Variants in ARFGEF3 observed in about 807,000 individuals in gnomAD.
ARFGEF3 encodes ARFGEF family member 3, also known as brefeldin A-inhibited guanine nucleotide-exchange protein 3.
In ARFGEF3, 96 loss-of-function variants were observed where a neutral mutation model predicts 221.7. The observed-to-expected ratio is 0.43, with a 90% CI of 0.37 to 0.51. The LOEUF is 0.51. Among genes scored for constraint, ARFGEF3 ranks in the 20% least tolerant of loss-of-function variants. The pLI is 0.00. For synonymous variants in ARFGEF3, 1,145 were observed against 1,126.8 expected, an observed-to-expected ratio of 1.02 and a Z score of -0.32; for missense variants, 2,410 against 2,789.9, an observed-to-expected ratio of 0.86 and a Z score of 3.07.
chr6:138,230,478 C>T (rs997379173), intron 5 of ARFGEF3, among the ~76,000 whole-genome samples: 4 of 152,160 alleles, frequency 2.6e-5, no homozygotes, highest in African/African-American at 9.7e-5. Context: ...ATTTCCCTTC[C>T]ATTTCTTGAA....
chr6:138,227,180 CTG>C, intron 4 of ARFGEF3, among the ~76,000 whole-genome samples: 1 of 141,556 alleles, frequency 7.1e-6, no homozygotes, highest in South Asian at 2.1e-4. Flanking sequence ...TCCTCAGCTT[CTG>C]TGGACTGTTG....
At chr6:138,333,738 G>A (rs976418368) in intron 32 of ARFGEF3, among the ~76,000 whole-genome samples, 3 of 152,252 alleles carry the variant, frequency 2.0e-5, no homozygotes, top group East Asian at 1.9e-4. Context: ...CACCGCGCTC[G>A]GCCCAGCTTC....
At chr6:138,171,836 A>G (rs1776842040) in intron 2 of ARFGEF3, among the ~76,000 whole-genome samples, 1 of 152,180 alleles carries the variant, frequency 6.6e-6, no homozygotes, top group African/African-American at 2.4e-5. Context: ...TTAAAATGTT[A>G]CATATACTTC....
Position 138,333,962 on chromosome 6 carries a change from A to C in ARFGEF3, c.5124-8A>C, listed in dbSNP as rs373037001. 3.4e-5 allele frequency: 54 copies of C among 1,597,594 alleles called. No individual in the cohort carries two copies. Among genetic ancestry groups the C allele is most frequent in the Non-Finnish European group, 4.4e-5 (52 of 1,169,270 alleles). Reference sequence around the variant, plus strand: ...ACCATTAATCGAGCCCTCTCTTTTCACTTGAAGCGTGTCTTTCAGGGAAAT... The same window carrying C: ...ACCATTAATCGAGCCCTCTCTTTTCCCTTGAAGCGTGTCTTTCAGGGAAAT... On this transcript the variant is annotated splice_polypyrimidine_tract_variant and splice_region_variant and intron_variant, in intron 32 of 33. Coordinates refer to ENST00000251691, the MANE Select transcript of ARFGEF3 (RefSeq NM_020340.5).
At position 138,278,697 on chromosome 6, in the gene ARFGEF3, G is replaced by T. The variant is rs544506407; in HGVS notation, c.2295+80G>T. 1.6e-5 allele frequency: 23 copies of T among 1,474,216 alleles called. No homozygotes were observed. In the East Asian group the frequency reaches 5.2e-4, roughly 34 times the overall value. The allele number at this position is 1,474,216 out of a possible 1,614,324, so 91.3% of individuals were successfully genotyped here. ...GTACAGCCTAGCCTCAGTGCCCTGAGTGGGATGGCACAGCGTGTTTTGTTC... is the reference window on the plus strand; with the variant it reads ...GTACAGCCTAGCCTCAGTGCCCTGATTGGGATGGCACAGCGTGTTTTGTTC... On this transcript the variant is annotated intron_variant, in intron 13 of 33. Coordinates refer to ENST00000251691, the MANE Select transcript of ARFGEF3 (RefSeq NM_020340.5).
intron 2 of ARFGEF3, among the ~76,000 whole-genome samples, chr6:138,200,641 G>T (rs139124070): frequency 0.016 from 2,362 of 152,216 alleles, 32 homozygotes; most frequent in Middle Eastern, 0.058. Flanking sequence ...AATGAAACTG[G>T]ATCCTCATCT....
intron 22 of ARFGEF3, among the ~76,000 whole-genome samples, chr6:138,299,217 A>AAAAC (rs1554256750): frequency 1.3e-5 from 2 of 149,032 alleles, no homozygotes; most frequent in East Asian, 3.9e-4. Context: ...AAAAAAAAAA[A>AAAAC]AAAAAAACAG....
rs546942023 is a variant in ARFGEF3, at chr6:138,297,774, A to T, written c.3648+819A>T. 2.6e-5 allele frequency among the ~76,000 whole-genome samples: 4 copies of T among 152,298 alleles called. No individual in the cohort carries two copies. The East Asian group carries it at 7.7e-4, about 29-fold the overall frequency. On this transcript the variant is annotated intron_variant, in intron 21 of 33. Coordinates refer to ENST00000251691, the MANE Select transcript of ARFGEF3 (RefSeq NM_020340.5). ...CATTTATTTAGCTCATGATTCCATG[A>T]GTCAGAAATTTGAGGTAGGCTTCTC...
chr6:138,308,837 C>T lies in ARFGEF3; in HGVS notation c.4072C>T (p.Leu1358Phe). 1.2e-6 allele frequency: 2 copies of T among 1,614,024 alleles called. No homozygotes were observed. Among genetic ancestry groups the T allele is most frequent in the Non-Finnish European group, 1.7e-6 (2 of 1,179,892 alleles). The change falls in exon 24 of 34, where the codon CTT becomes TTT. Residue 1358 changes from leucine to phenylalanine, a missense_variant. This residue lies in a region of ARFGEF3 where 723 missense variants were observed against 991.9 expected (regional missense o/e 0.73). Coordinates refer to ENST00000251691, the MANE Select transcript of ARFGEF3 (RefSeq NM_020340.5). Reference protein sequence around the residue: ...ANAATSYIMCLMKFVKGLGEV... With the variant: ...ANAATSYIMCFMKFVKGLGEV... The stretch of plus-strand genomic sequence containing the variant: ...TGCAGCCACTAGCTACATCATGTGC[C>T]TTATGAAGTTTGTCAAAGGACTGGG...
rs1478445339 is a variant in ARFGEF3 at position 138,342,712 on chromosome 6, G to T, written c.*6226G>T. Reference sequence around the variant, plus strand: ...CAGCTCCTTTACAGCCTTGGCTCCTGGCTTACAGATTTTTGAATAGTTGTT... The same window carrying T: ...CAGCTCCTTTACAGCCTTGGCTCCTTGCTTACAGATTTTTGAATAGTTGTT... On this transcript the variant is annotated 3_prime_UTR_variant, in exon 34 of 34. Transcript: ENST00000251691. 2.0e-5 allele frequency: 3 copies of T among 152,092 alleles called. No homozygotes were observed. Among genetic ancestry groups the T allele is most frequent in the Non-Finnish European group, 4.4e-5 (3 of 68,002 alleles). The allele number at this position is 152,092 out of a possible 1,614,324, so 9.4% of individuals were successfully genotyped here. A position where few individuals can be genotyped will look rare whatever the true frequency, so the allele number is the denominator to read the frequency against.
At chr6:138,172,455 G>A (rs995484958) in intron 2 of ARFGEF3, among the ~76,000 whole-genome samples, 1 of 152,038 alleles carries the variant, frequency 6.6e-6, no homozygotes, top group Non-Finnish European at 1.5e-5. Flanking sequence ...GTTGTCCTGG[G>A]GTACAGAGAT....
At chr6:138,183,399 C>T (rs1040254737) in intron 2 of ARFGEF3, among the ~76,000 whole-genome samples, 1 of 152,202 alleles carries the variant, frequency 6.6e-6, no homozygotes, top group Non-Finnish European at 1.5e-5. Context: ...TAAAGGTGTG[C>T]ATGCCCAGGC....
chr6:138,217,632 T>A (rs186709643), intron 4 of ARFGEF3: 64 of 195,870 alleles, frequency 3.3e-4, no homozygotes, highest in African/African-American at 1.5e-3. Flanking sequence ...ATTGTTTTTA[T>A]CCCTCTGGTG....
At chr6:138,279,283 G>T (rs186640059) in intron 13 of ARFGEF3, among the ~76,000 whole-genome samples, 2 of 152,290 alleles carry the variant, frequency 1.3e-5, no homozygotes, top group Admixed American at 6.5e-5. Context: ...CTCCCAAAGC[G>T]TTGGGATTAC....
At chr6:138,322,936 CGTT>C (rs1780060366) in intron 29 of ARFGEF3, among the ~76,000 whole-genome samples, 1 of 151,558 alleles carries the variant, frequency 6.6e-6, no homozygotes, top group South Asian at 2.1e-4. Context: ...GCAAGGACCT[CGTT>C]GTAGCAGTGA....
chr6:138,294,645 A>G (rs191482780), intron 20 of ARFGEF3, among the ~76,000 whole-genome samples: 19 of 152,346 alleles, frequency 1.2e-4, no homozygotes, highest in African/African-American at 4.3e-4. Context: ...GTTGTCTCCA[A>G]TGAGGCCAGG....
At chr6:138,318,563 A>G (rs546731175) in intron 27 of ARFGEF3, among the ~76,000 whole-genome samples, 1 of 152,368 alleles carries the variant, frequency 6.6e-6, no homozygotes, top group African/African-American at 2.4e-5. Flanking sequence ...TAAAATGCAC[A>G]TACTATGGAG....
chr6:138,201,484 C>CA (rs1203695608), intron 2 of ARFGEF3, among the ~76,000 whole-genome samples: 1 of 152,120 alleles, frequency 6.6e-6, no homozygotes, highest in African/African-American at 2.4e-5. Context: ...GAATACTACT[C>CA]AGACATAAAA....
intron 8 of ARFGEF3, among the ~76,000 whole-genome samples, chr6:138,248,294 T>G (rs935625625): frequency 2.6e-5 from 4 of 152,174 alleles, no homozygotes; most frequent in African/African-American, 9.7e-5. Flanking sequence ...ATCTTAACCC[T>G]GTGAACTTGT....
Sources: allele counts gnomAD v4.1 joint callset (sites outside exome capture counted in the v4.1 genomes callset), GRCh38; gene constraint gnomAD v4.1.1; regional missense constraint gnomAD v4.1.1; transcripts MANE v1.5; gene names NCBI Gene and HGNC (gene_info 2026-07-23, HGNC 2026-07-21).